Variants in MUC6 observed in about 807,000 individuals in gnomAD.
The protein encoded by MUC6 is mucin 6, oligomeric mucus/gel-forming (gene/pseudogene).
A neutral mutation model predicts 201.5 loss-of-function variants in MUC6; 188 were observed. That is an observed-to-expected ratio of 0.93 (90% CI 0.83 to 1.05). The LOEUF (loss-of-function observed/expected upper bound fraction) is 1.05. Ranked by LOEUF, MUC6 falls within the 50% of genes least tolerant of loss-of-function variation. MUC6 has a pLI of 0.00. For missense variants in MUC6, 2,706 were observed against 3,256.9 expected (o/e 0.83, Z 4.12); for synonymous variants, 1,228 against 1,389.4 (o/e 0.88, Z 2.58).
At position 1,025,347 on chromosome 11, in the gene MUC6, C is replaced by T. The variant is rs371296189; in HGVS notation, c.2820G>A (p.Ala940=). The T allele has an allele frequency of 3.8e-5, 61 of 1,610,374 alleles. No individual in the cohort carries two copies. Among genetic ancestry groups the T allele is most frequent in the African/African-American group, 6.7e-5 (5 of 74,892 alleles). ...IFLGGLSVVL[A]DRNYTVTGEE... is the part of the protein sequence containing the mutation. ...CCCCGGTGACCGTGTAGTTTCTGTC[C>T]GCCAGCACCACGGACAGGCCCTGTG... Residue 940 remains alanine, a synonymous_variant, in exon 23 of 33, where the codon GCG becomes GCA. Transcript: ENST00000421673.
intron 23 of MUC6, 28 bp from the exon 24 acceptor site, chr11:1,025,111 C>T (rs1590047939): frequency 6.2e-7 from 1 of 1,612,376 alleles, no homozygotes; most frequent in African/African-American, 1.3e-5. Flanking sequence ...AGGCCGGGCC[C>T]AGGGGCCGTG....
intron 6 of MUC6, 63 bp from the exon 7 acceptor site, chr11:1,030,843 G>A: frequency 6.5e-7 from 1 of 1,528,138 alleles, no homozygotes; most frequent in East Asian, 2.4e-5. Context: ...CGACTGGGGA[G>A]GTCGGGCAGG....
At position 1,013,879 on chromosome 11, in the gene MUC6, C is replaced by T. The variant is rs746605794; in HGVS notation, c.7142+20G>A. ...AGCACCTTGGTGGACGTGGGGCAGG[C>T]CTCCCACCTGTGGACTCACCTGGCA... On this transcript the variant is annotated intron_variant, in intron 32 of 32. Transcript: ENST00000421673. 8.8e-6 allele frequency: 14 copies of T among 1,590,264 alleles called. No homozygotes were observed. The highest frequency in any genetic ancestry group is 1.2e-5 in the Non-Finnish European group (14 of 1,170,048).
At chr11:1,019,875 C>T in intron 29 of MUC6, 1 of 717,308 alleles carries the variant, frequency 1.4e-6, no homozygotes, top group East Asian at 2.7e-5. Context: ...CAGCAGCCAG[C>T]AGCAAGGAAT....
rs1856596796 is a variant in MUC6 at position 1,016,001 on chromosome 11, T to A, written c.6800A>T (p.Gln2267Leu). The A allele has an allele frequency of 1.2e-6, 2 of 1,603,648 alleles. No individual in the cohort carries two copies. The highest frequency in any genetic ancestry group is 1.3e-5 in the African/African-American group (1 of 74,740). The change falls in exon 31 of 33, where the codon CAG (glutamine) becomes CTG (leucine). Residue 2267 changes from glutamine to leucine, a missense_variant. Gln to Leu is a moderately radical substitution (Grantham distance 113, BLOSUM62 -2). Transcript: ENST00000421673. ...AGAAGTGGACCGCGAGGTGGTGGAC[T>A]GAGAGGAGAAGGCAGGGGCGGTGTG... ...STHTAPAFSSQSTTSRSTSLT... is the reference protein window; with the variant it reads ...STHTAPAFSSLSTTSRSTSLT...
At chr11:1,026,560 C>G (rs867662388) in intron 19 of MUC6, 82 bp from the exon 20 acceptor site, 1 of 1,390,912 alleles carries the variant, frequency 7.2e-7, no homozygotes, top group Non-Finnish European at 9.4e-7. Context: ...TGAGACTGCC[C>G]GGCGTGTCTC....
At position 1,033,266 on chromosome 11, in the gene MUC6, C is replaced by A. The variant is rs1241725725; in HGVS notation, c.53-191G>T. 5.0e-6 allele frequency: 3 copies of A among 599,742 alleles called. No homozygotes were observed. Among genetic ancestry groups the A allele is most frequent in the Non-Finnish European group, 3.0e-6 (1 of 330,998 alleles). 37.2% of individuals were successfully genotyped at this position (599,742 alleles called of 1,614,324 possible). On this transcript the variant is annotated intron_variant, in intron 1 of 32. Coordinates refer to ENST00000421673, the MANE Select transcript of MUC6 (RefSeq NM_005961.3). The surrounding 1 kb of genome is among the most constrained non-coding windows in gnomAD (Gnocchi z 5.6). ...GGCCTCCCATGCTGTCCTTCACGAGCCCCAGCTTCCTTCCCTGCTCTCGTT... is the reference window on the plus strand; with the variant it reads ...GGCCTCCCATGCTGTCCTTCACGAGACCCAGCTTCCTTCCCTGCTCTCGTT...
At chr11:1,028,605 G>T in intron 13 of MUC6, 41 bp downstream of exon 13, 1 of 1,595,142 alleles carries the variant, frequency 6.3e-7, no homozygotes, top group East Asian at 2.3e-5. Flanking sequence ...AGACCCTGTA[G>T]GGATGAGGCA....
chr11:1,026,297 C>T (rs750173596), intron 20 of MUC6, 30 bp downstream of exon 20: 1 of 1,556,086 alleles, frequency 6.4e-7, no homozygotes, highest in Admixed American at 1.9e-5. Flanking sequence ...CCCAGGAGCC[C>T]AGGGCGTCTG....
chr11:1,032,945 G>T, intron 2 of MUC6, 68 bp downstream of exon 2: 1 of 1,436,084 alleles, frequency 7.0e-7, no homozygotes. Flanking sequence ...TGGGCTCCGG[G>T]CCCCTCTCTC....
rs987631083 is a variant in MUC6 at position 1,036,656 on chromosome 11, G to A, written c.-1C>T. ...ACAGCAGCAGCCACCGCTGGACCATGGTGCACAGTGGAGAGGAGCTCGCGC... is the reference window on the plus strand; with the variant it reads ...ACAGCAGCAGCCACCGCTGGACCATAGTGCACAGTGGAGAGGAGCTCGCGC... On this transcript the variant is annotated 5_prime_UTR_variant, in exon 1 of 33. Coordinates refer to ENST00000421673, the MANE Select transcript of MUC6 (RefSeq NM_005961.3). 28 of 1,546,908 alleles carry A rather than the reference G, an allele frequency of 1.8e-5. No homozygotes were observed. Among genetic ancestry groups the A allele is most frequent in the Non-Finnish European group, 2.4e-5 (27 of 1,146,448 alleles).
rs779364146 is a variant in MUC6, at chr11:1,031,230, C to T, written c.513G>A (p.Gln171=). The change falls in exon 5 of 33, where the codon CAG becomes CAA. Residue 171 remains glutamine (Q), a synonymous_variant. Coordinates refer to ENST00000421673, the MANE Select transcript of MUC6 (RefSeq NM_005961.3). Reference sequence around the variant, plus strand: ...CAAAGTTCCCGCAGAGCCCGCACATCTGACCCATGTACTTCCGCTCCACCA... The same window carrying T: ...CAAAGTTCCCGCAGAGCCCGCACATTTGACCCATGTACTTCCGCTCCACCA... ...MVLVERKYMG[Q]MCGLCGNFDG... 6 of 1,585,042 alleles carry T rather than the reference C, an allele frequency of 3.8e-6. No homozygotes were observed. The highest frequency in any genetic ancestry group is 5.1e-6 in the Non-Finnish European group (6 of 1,166,396).
intron 1 of MUC6, among the ~76,000 whole-genome samples, chr11:1,034,221 A>G (rs192697172): frequency 6.6e-6 from 1 of 152,046 alleles, no homozygotes; most frequent in East Asian, 2.0e-4. Context: ...ACTGGATTTA[A>G]GAAGAATGCC....
At chr11:1,015,652 G>T (rs560520523) in intron 31 of MUC6, 110 bp downstream of exon 31, 9 of 1,451,342 alleles carry the variant, frequency 6.2e-6, no homozygotes, top group Middle Eastern at 5.0e-4. Context: ...GGGAACAGGC[G>T]TGTGGTCCTG....
Position 1,026,150 on chromosome 11 carries a change from ACAG to A in MUC6, c.2547-12_2547-10del, listed in dbSNP as rs774548315. 5.7e-6 allele frequency: 9 copies of A among 1,589,972 alleles called. No individual in the cohort carries two copies. The highest frequency in any genetic ancestry group is 2.7e-5 in the African/African-American group (2 of 74,670). Reference sequence around the variant, plus strand: ...TCCCCCTTGAGCAGGAGCTGTGGAGACAGCAGGTGTGGGTGGTGGGCCTGCGGC... The same window carrying A: ...TCCCCCTTGAGCAGGAGCTGTGGAGACAGGTGTGGGTGGTGGGCCTGCGGC... On this transcript the variant is annotated splice_polypyrimidine_tract_variant and intron_variant, in intron 20 of 32. Transcript: ENST00000421673.
rs779276773 is a variant in MUC6, at chr11:1,033,213, C to T, written c.53-138G>A. 8 of 801,792 alleles carry T rather than the reference C, an allele frequency of 1.0e-5. No individual in the cohort carries two copies. The East Asian group carries it at 1.0e-4, about 10-fold the overall frequency. 49.7% of individuals were successfully genotyped at this position (801,792 alleles called of 1,614,324 possible). ...AGAAGTGTCCATGGCCCGTGGGGCT[C>T]GAGGCCTCAACAGCAAGCCAAGCGC... On this transcript the variant is annotated intron_variant, in intron 1 of 32. Transcript: ENST00000421673. The surrounding 1 kb of genome is among the most constrained non-coding windows in gnomAD (Gnocchi z 5.6).
At chr11:1,015,686 A>G in intron 31 of MUC6, 76 bp downstream of exon 31, 1 of 1,490,954 alleles carries the variant, frequency 6.7e-7, no homozygotes, top group South Asian at 1.5e-5. Context: ...ATGAGGGGTA[A>G]GCTGAGGCAG....
chr11:1,028,350 G>T lies in MUC6; in HGVS notation c.1629C>A (p.Asp543Glu). 1 of 1,612,652 alleles carries T rather than the reference G, an allele frequency of 6.2e-7. No homozygotes were observed. Among genetic ancestry groups the T allele is most frequent in the Non-Finnish European group, 8.5e-7 (1 of 1,179,842 alleles). The change falls in exon 14 of 33, where the codon GAC (aspartate) becomes GAA (glutamate). Residue 543 changes from aspartate to glutamate, a missense_variant. Around this residue, in one of 10 missense-constraint regions of MUC6, gnomAD observed 1,850 missense variants for 1,958.3 expected, o/e 0.94. Coordinates refer to ENST00000421673, the MANE Select transcript of MUC6 (RefSeq NM_005961.3). ...CGNFNGDTTDDFTTSMGIAEG... is the reference protein window; with the variant it reads ...CGNFNGDTTDEFTTSMGIAEG... Reference sequence around the variant, plus strand: ...CGGCGATACCCATGCTAGTGGTGAAGTCATCCGTTGTGTCCCCGTTGAAGT... The same window carrying T: ...CGGCGATACCCATGCTAGTGGTGAATTCATCCGTTGTGTCCCCGTTGAAGT...
chr11:1,027,176 C>G lies in MUC6; in HGVS notation c.2249G>C (p.Arg750Pro), dbSNP rs201174742. ...CTGTGGCCGCTGCGGGCAACTCAGC[C>G]GCCCGTTGATGCAGTGGCTGCAAGA... ...NGITCHCINGRLSCPQRPQMF... is the reference protein window; with the variant it reads ...NGITCHCINGPLSCPQRPQMF... The change falls in exon 18 of 33, where the codon CGG becomes CCG. Residue 750 changes from arginine (R) to proline (P), a missense_variant. By Grantham distance (103) the Arg-to-Pro change is moderately radical (BLOSUM62 -2). Coordinates refer to ENST00000421673, the MANE Select transcript of MUC6 (RefSeq NM_005961.3). 3.1e-6 allele frequency: 5 copies of G among 1,612,464 alleles called. No individual in the cohort carries two copies. Among genetic ancestry groups the G allele is most frequent in the Non-Finnish European group, 3.4e-6 (4 of 1,179,824 alleles).
Sources: gnomAD v4.1 joint callset for allele counts (sites outside exome capture counted in the v4.1 genomes callset) on GRCh38, gnomAD v4.1.1 for gene constraint, gnomAD v4.1.1 regional missense constraint, Gnocchi (gnomAD v3.1) non-coding constraint, MANE v1.5 for transcripts, NCBI Gene and HGNC (gene_info 2026-07-23, HGNC 2026-07-21) for gene names.